The following RBMS3 variants were observed in gnomAD, a reference collection of about 807,000 sequenced individuals.
RBMS3 encodes RNA-binding motif, single-stranded-interacting protein 3.
A neutral mutation model predicts 66.8 loss-of-function variants in RBMS3; 27 were observed. The observed-to-expected ratio is 0.40, with a 90% CI of 0.30 to 0.56. RBMS3 has a LOEUF of 0.56. RBMS3 is among the 20% of genes least tolerant of loss of function. The pLI is 0.40. For missense variants in RBMS3, 513 were observed against 549.5 expected (o/e 0.93, Z 0.66); for synonymous variants, 188 against 183.0 (o/e 1.03, Z -0.22).
At chr3:29,486,403 A>G (rs1257391221) in intron 2 of RBMS3, among the ~76,000 whole-genome samples, 2 of 152,140 alleles carry the variant, frequency 1.3e-5, no homozygotes, top group Non-Finnish European at 2.9e-5. Context: ...GTTGTGTTCC[A>G]TTGTTTTGTG....
chr3:29,701,307 A>T (rs1170219787), intron 4 of RBMS3, among the ~76,000 whole-genome samples: 2 of 152,116 alleles, frequency 1.3e-5, no homozygotes, highest in Non-Finnish European at 2.9e-5. Flanking sequence ...AAAAAGTTTT[A>T]AGTAGTGAAT....
At chr3:29,611,731 G>A (rs982581143) in intron 4 of RBMS3, among the ~76,000 whole-genome samples, 3 of 151,798 alleles carry the variant, frequency 2.0e-5, no homozygotes, top group African/African-American at 7.3e-5. Flanking sequence ...TGCACATTTT[G>A]TATATTAAAA....
In RBMS3 at chr3:29,524,309, GC is replaced by G. The variant is rs568496653; in HGVS notation, c.307+35811del. 1.8e-3 allele frequency among the ~76,000 whole-genome samples: 275 copies of G among 151,488 alleles called. 1 individual carries two copies. Among genetic ancestry groups the G allele is most frequent in the African/African-American group, 6.2e-3 (258 of 41,306 alleles). ...ATCATGCTGTGATGAGGGAAATGCAGCTTTTCCTTATGATGCCTGAGAACTG... is the reference window on the plus strand; with the variant it reads ...ATCATGCTGTGATGAGGGAAATGCAGTTTTCCTTATGATGCCTGAGAACTG... On this transcript the variant is annotated intron_variant, in intron 3 of 14. Transcript: ENST00000383767.
intron 6 of RBMS3, among the ~76,000 whole-genome samples, chr3:29,847,344 C>A (rs2058806511): frequency 6.6e-6 from 1 of 152,182 alleles, no homozygotes; most frequent in Non-Finnish European, 1.5e-5. Flanking sequence ...GTTCTGGAAT[C>A]TTTCTTTGTG....
At chr3:29,968,139 T>C (rs751160218) in intron 12 of RBMS3, among the ~76,000 whole-genome samples, 80 of 152,298 alleles carry the variant, frequency 5.3e-4, no homozygotes, top group Non-Finnish European at 8.8e-4. Context: ...ACCTTAGCTG[T>C]ATCCCAGAGG....
chr3:29,312,403 A>G (rs1024416352), intron 1 of RBMS3, among the ~76,000 whole-genome samples: 2 of 151,890 alleles, frequency 1.3e-5, no homozygotes, highest in East Asian at 2.0e-4. Context: ...TCACTTACAT[A>G]GGGACACAAG....
chr3:29,679,057 G>T (rs754069832), intron 4 of RBMS3, among the ~76,000 whole-genome samples: 30 of 152,002 alleles, frequency 2.0e-4, no homozygotes, highest in Non-Finnish European at 4.3e-4. Context: ...TAGAATCACA[G>T]CTTCAGAATC....
chr3:29,468,916 T>C lies in RBMS3; in HGVS notation c.249-19525T>C, dbSNP rs139214879. Among the ~76,000 whole-genome samples, 848 of 152,278 alleles carry C rather than the reference T, an allele frequency of 5.6e-3. 7 individuals are homozygous for C. Among genetic ancestry groups the C allele is most frequent in the African/African-American group, 0.019 (810 of 41,578 alleles). On this transcript the variant is annotated intron_variant, in intron 2 of 14. Transcript: ENST00000383767. ...TAAAGTCATTTTCTAGTTGCTATTT[T>C]TGTGTGTATATTATAACCAAACACA...
At chr3:29,468,390 T>A (rs182289785) in intron 2 of RBMS3, among the ~76,000 whole-genome samples, 1 of 152,142 alleles carries the variant, frequency 6.6e-6, no homozygotes, top group African/African-American at 2.4e-5. Flanking sequence ...CCAGAAAGGC[T>A]CAGCTTTAAA....
intron 3 of RBMS3, among the ~76,000 whole-genome samples, chr3:29,512,695 A>G (rs1450236736): frequency 6.6e-6 from 1 of 152,190 alleles, no homozygotes; most frequent in Non-Finnish European, 1.5e-5. Context: ...CGGCGGTGGT[A>G]CAGCCATAAT....
At chr3:29,623,905 A>G (rs1441369930) in intron 4 of RBMS3, among the ~76,000 whole-genome samples, 1 of 152,234 alleles carries the variant, frequency 6.6e-6, no homozygotes, top group Non-Finnish European at 1.5e-5. Flanking sequence ...ATTTTTAAAT[A>G]TATGTCTGGC....
intron 14 of RBMS3, among the ~76,000 whole-genome samples, chr3:30,000,772 G>T (rs187372664): frequency 1.6e-3 from 251 of 152,232 alleles, no homozygotes; most frequent in Admixed American, 2.6e-3. Flanking sequence ...ATCATTCTCA[G>T]CAAACTAACA....
chr3:29,787,723 C>T (rs1397267314), intron 6 of RBMS3, among the ~76,000 whole-genome samples: 1 of 152,098 alleles, frequency 6.6e-6, no homozygotes, highest in Non-Finnish European at 1.5e-5. Flanking sequence ...AAAGGCCACA[C>T]ACTGAGTACA....
chr3:29,723,239 G>T (rs1008337436), intron 4 of RBMS3, among the ~76,000 whole-genome samples: 1 of 152,080 alleles, frequency 6.6e-6, no homozygotes, highest in African/African-American at 2.4e-5. Context: ...TCCTCCCAAA[G>T]TGCTGGGATT....
At chr3:29,551,322 A>C (rs1369773437) in intron 3 of RBMS3, among the ~76,000 whole-genome samples, 1 of 152,226 alleles carries the variant, frequency 6.6e-6, no homozygotes, top group African/African-American at 2.4e-5. Flanking sequence ...GAAGATGATC[A>C]GGAAACATGG....
rs548909714 is a variant in RBMS3, at chr3:29,567,505, T to C, written c.308-19609T>C. Among the ~76,000 whole-genome samples, 5 of 152,246 alleles carry C rather than the reference T, an allele frequency of 3.3e-5. No homozygotes were observed. The East Asian group carries it at 7.7e-4, about 24-fold the overall frequency. ...CCCTCTGCATTATCCTTCTTAATAG[T>C]CCATTATTCCTCTGTAGAGAGTCCA... On this transcript the variant is annotated intron_variant, in intron 3 of 14. Transcript: ENST00000383767.
chr3:29,298,389 A>G (rs760695923), intron 1 of RBMS3, among the ~76,000 whole-genome samples: 2 of 151,912 alleles, frequency 1.3e-5, no homozygotes, highest in Non-Finnish European at 2.9e-5. Flanking sequence ...TAAAGAGTGT[A>G]TGGTTTAATT....
intron 4 of RBMS3, among the ~76,000 whole-genome samples, chr3:29,682,832 G>A (rs895229145): frequency 6.6e-6 from 1 of 152,202 alleles, no homozygotes; most frequent in Non-Finnish European, 1.5e-5. Context: ...GAGAGAGAAG[G>A]AGATAGATTG....
intron 14 of RBMS3, among the ~76,000 whole-genome samples, chr3:29,997,472 G>T (rs1483703296): frequency 2.0e-5 from 3 of 147,426 alleles, no homozygotes; most frequent in Admixed American, 6.9e-5. Context: ...CAAAAAAAGA[G>T]AATTTGAGAC....
Sources: gnomAD v4.1 joint callset for allele counts (sites outside exome capture counted in the v4.1 genomes callset) on GRCh38, gnomAD v4.1.1 for gene constraint, MANE v1.5 for transcripts, NCBI Gene and HGNC (gene_info 2026-07-23, HGNC 2026-07-21) for gene names.